PDHX: variants seen among roughly 807,000 people sequenced by gnomAD.
PDHX encodes pyruvate dehydrogenase complex component X, also known as pyruvate dehydrogenase protein X component, mitochondrial.
Under a neutral mutation model 55.3 loss-of-function variants are expected in PDHX, and 33 were observed. The observed-to-expected ratio is 0.60, with a 90% CI of 0.45 to 0.80. The LOEUF (loss-of-function observed/expected upper bound fraction) is 0.80. Ranked by LOEUF, PDHX falls within the 30% of genes least tolerant of loss-of-function variation. The pLI, the probability that PDHX is intolerant of heterozygous loss-of-function variation, is 0.00. For missense variants in PDHX, 622 were observed against 619.9 expected, an observed-to-expected ratio of 1.00 and a Z score of -0.04; for synonymous variants, 226 against 219.4, an observed-to-expected ratio of 1.03 and a Z score of -0.27.
intron 1 of PDHX, among the ~76,000 whole-genome samples, chr11:34,922,250 T>G (rs1185029236): frequency 1.3e-5 from 2 of 152,198 alleles, no homozygotes; most frequent in Non-Finnish European, 2.9e-5. Flanking sequence ...TAACTCTGAG[T>G]ACATATGCAC....
chr11:34,994,381 C>G (rs892590040), intron 10 of PDHX, among the ~76,000 whole-genome samples: 2 of 152,198 alleles, frequency 1.3e-5, no homozygotes, highest in Admixed American at 1.3e-4. Flanking sequence ...GTTTAGGGCA[C>G]TTACCGTGAA....
intron 1 of PDHX, among the ~76,000 whole-genome samples, chr11:34,926,805 A>C (rs74655229): frequency 0.045 from 6,915 of 152,072 alleles, 496 homozygotes; most frequent in African/African-American, 0.16. Context: ...AGAAGAAACT[A>C]GAATTAGATT....
In PDHX at chr11:34,995,286, A is replaced by C. The variant is rs76663700; in HGVS notation, c.*114A>C. On this transcript the variant is annotated 3_prime_UTR_variant, in exon 11 of 11. Transcript: ENST00000227868. Reference sequence around the variant, plus strand: ...TAAGTATGAAGTGGATGAAATGTTTATTTATTTAAGGTGAAAGCATTTGAC... The same window carrying C: ...TAAGTATGAAGTGGATGAAATGTTTCTTTATTTAAGGTGAAAGCATTTGAC... The C allele has an allele frequency of 1.7e-6, 2 of 1,198,720 alleles. No homozygotes were observed. Among genetic ancestry groups the C allele is most frequent in the Admixed American group, 3.4e-5 (2 of 58,842 alleles). 74.3% of individuals were successfully genotyped at this position (1,198,720 alleles called of 1,614,324 possible). A position where few individuals can be genotyped will look rare whatever the true frequency, so the allele number is the denominator to read the frequency against.
intron 1 of PDHX, among the ~76,000 whole-genome samples, chr11:34,928,604 G>T (rs558997880): frequency 6.6e-6 from 1 of 152,014 alleles, no homozygotes; most frequent in African/African-American, 2.4e-5. Flanking sequence ...AAAGAAAAAG[G>T]CAGTAGACAC....
chr11:34,924,461 T>G (rs1006926202), intron 1 of PDHX, among the ~76,000 whole-genome samples: 1 of 152,112 alleles, frequency 6.6e-6, no homozygotes, highest in Non-Finnish European at 1.5e-5. Flanking sequence ...CCTAATGTGA[T>G]CCACCCGCCT....
rs1283801942 is a variant in PDHX, at chr11:34,966,632, A to G, written c.642-8A>G. 7 of 1,613,830 alleles carry G rather than the reference A, an allele frequency of 4.3e-6. No individual in the cohort carries two copies. The highest frequency in any genetic ancestry group is 5.9e-6 in the Non-Finnish European group (7 of 1,179,900). ...AATTATGGTTATCTACTTTGCTCTT[A>G]TTTCCAGGGATGCTCTCAAACTTGT... On this transcript the variant is annotated splice_region_variant and splice_polypyrimidine_tract_variant and intron_variant, in intron 5 of 10. Coordinates refer to ENST00000227868, the MANE Select transcript of PDHX (RefSeq NM_003477.3).
chr11:34,916,559 C>T (rs1175477939), upstream of PDHX: 25 of 1,533,848 alleles, frequency 1.6e-5, no homozygotes, highest in East Asian at 5.7e-4. Flanking sequence ...CTAAAGGCAC[C>T]GCTAGCGTCT....
rs186501150 is a variant in PDHX, at chr11:34,947,348, C to G, written c.242-158C>G. On this transcript the variant is annotated intron_variant, in intron 2 of 10. Transcript: ENST00000227868. ...CAAAGCATACACATACACACACACACACAAACACCCACACATAATGAGAAT... is the reference window on the plus strand; with the variant it reads ...CAAAGCATACACATACACACACACAGACAAACACCCACACATAATGAGAAT... Among the ~76,000 whole-genome samples the G allele has an allele frequency of 3.1e-3, 475 of 152,242 alleles. 3 individuals are homozygous for G. The highest frequency in any genetic ancestry group is 0.011 in the African/African-American group (436 of 41,522).
intron 2 of PDHX, among the ~76,000 whole-genome samples, chr11:34,947,028 ATAT>A (rs1197331907): frequency 2.0e-5 from 3 of 152,108 alleles, no homozygotes; most frequent in African/African-American, 7.2e-5. Flanking sequence ...TTTATGCTTT[ATAT>A]GCTTTATTCA....
At chr11:34,924,512 C>T (rs1053343344) in intron 1 of PDHX, among the ~76,000 whole-genome samples, 1 of 152,186 alleles carries the variant, frequency 6.6e-6, no homozygotes, top group Non-Finnish European at 1.5e-5. Flanking sequence ...TGAGCCACTG[C>T]TCCCGGCCTA....
chr11:34,990,732 T>C (rs1226312305), intron 9 of PDHX, among the ~76,000 whole-genome samples: 1 of 152,234 alleles, frequency 6.6e-6, no homozygotes, highest in Non-Finnish European at 1.5e-5. Context: ...TGAATCCAAA[T>C]AGTTTTATAA....
At chr11:34,967,542 TGTAGCTA>T (rs1311987261) in intron 6 of PDHX, among the ~76,000 whole-genome samples, 3 of 152,222 alleles carry the variant, frequency 2.0e-5, no homozygotes, top group Non-Finnish European at 4.4e-5. Context: ...TGAAGAACTA[TGTAGCTA>T]GTCATTCTTT....
intron 9 of PDHX, among the ~76,000 whole-genome samples, chr11:34,991,162 GAA>G (rs1463501876): frequency 1.3e-5 from 2 of 152,106 alleles, no homozygotes; most frequent in East Asian, 3.8e-4. Flanking sequence ...AAGATTTTTA[GAA>G]ATCGCTGTGG....
chr11:34,949,172 G>T (rs1854692413), intron 3 of PDHX, among the ~76,000 whole-genome samples: 1 of 152,166 alleles, frequency 6.6e-6, no homozygotes, highest in Non-Finnish European at 1.5e-5. Flanking sequence ...TAATATTTGG[G>T]AGTCTCTTCA....
At chr11:34,968,270 A>AG (rs1478094507) in intron 6 of PDHX, among the ~76,000 whole-genome samples, 17 of 151,828 alleles carry the variant, frequency 1.1e-4, no homozygotes, top group African/African-American at 4.1e-4. Context: ...CAAAAAAAAA[A>AG]AAAAAAAGTT....
intron 7 of PDHX, 21 bp from the exon 8 acceptor site, chr11:34,978,103 C>G (rs1178217201): frequency 1.5e-6 from 2 of 1,359,314 alleles, no homozygotes; most frequent in Non-Finnish European, 2.1e-6. Flanking sequence ...ACTAATTTTA[C>G]TAACCTTATT....
chr11:34,929,861 TTG>T (rs1223536954), intron 1 of PDHX, among the ~76,000 whole-genome samples: 1 of 152,130 alleles, frequency 6.6e-6, no homozygotes, highest in Non-Finnish European at 1.5e-5. Context: ...TTGGTGCCAG[TTG>T]AGAGAGAGAA....
upstream of PDHX, chr11:34,916,333 G>T (rs1324448443): frequency 3.1e-6 from 5 of 1,603,816 alleles, no homozygotes; most frequent in South Asian, 1.1e-5. Context: ...ACGGCTTTGC[G>T]CGCGGCGCTT....
chr11:34,933,598 A>G (rs536971082), intron 2 of PDHX, among the ~76,000 whole-genome samples: 2 of 152,338 alleles, frequency 1.3e-5, no homozygotes, highest in South Asian at 2.1e-4. Context: ...TCCCCTGGCA[A>G]TGCCTGGAAA....
Sources: allele counts gnomAD v4.1 joint callset (sites outside exome capture counted in the v4.1 genomes callset), GRCh38; gene constraint gnomAD v4.1.1; transcripts MANE v1.5; gene names NCBI Gene and HGNC (gene_info 2026-07-23, HGNC 2026-07-21).